The following ZNF292 variants were observed in gnomAD, a reference collection of about 807,000 sequenced individuals.
ZNF292 encodes zinc finger protein 292.
Under a neutral mutation model 217.9 loss-of-function variants are expected in ZNF292, and 26 were observed. The observed-to-expected ratio is 0.12, with a 90% CI of 0.09 to 0.17. ZNF292 has a LOEUF of 0.17. ZNF292 is among the 10% of genes least tolerant of loss of function. The probability of loss-of-function intolerance (pLI) is 1.00; values close to 1 mark genes in which losing one functional copy is unlikely to be tolerated. For missense variants in ZNF292, 2,904 were observed against 3,175.2 expected (o/e 0.91, Z 2.05); for synonymous variants, 1,257 against 1,124.1 (o/e 1.12, Z -2.37).
chr6:87,184,538 A>G (rs1771578892), intron 1 of ZNF292, among the ~76,000 whole-genome samples: 2 of 151,060 alleles, frequency 1.3e-5, no homozygotes, highest in African/African-American at 2.4e-5. Context: ...AAGGAATACA[A>G]TAAGAAGGAA....
At chr6:87,176,454 G>A (rs1386142994) in intron 1 of ZNF292, among the ~76,000 whole-genome samples, 1 of 152,150 alleles carries the variant, frequency 6.6e-6, no homozygotes, top group Non-Finnish European at 1.5e-5. Flanking sequence ...CCTCTGGAAT[G>A]AGGGTCTTAT....
At chr6:87,250,531 G>A (rs895013361) in intron 7 of ZNF292, among the ~76,000 whole-genome samples, 1 of 152,182 alleles carries the variant, frequency 6.6e-6, no homozygotes, top group Non-Finnish European at 1.5e-5. Context: ...TTGAATCTAT[G>A]CAAATGAAGT....
chr6:87,156,129 T>C (rs1278646925), intron 1 of ZNF292, among the ~76,000 whole-genome samples: 2 of 152,212 alleles, frequency 1.3e-5, no homozygotes, highest in African/African-American at 2.4e-5. Context: ...CACTGGGGAT[T>C]ACCGCGCCTC....
chr6:87,235,302 A>G (rs1773849030), intron 5 of ZNF292, among the ~76,000 whole-genome samples: 1 of 152,150 alleles, frequency 6.6e-6, no homozygotes, highest in Non-Finnish European at 1.5e-5. Context: ...TTTCAGTGCC[A>G]CGAAAGCTTT....
chr6:87,179,971 G>T lies in ZNF292; in HGVS notation c.168+24212G>T, dbSNP rs1377816710. ...TTATGAAGATCCCCGAGTATTGAGT[G>T]TGCCAGTTACCAGATTCTCTCCCAG... On this transcript the variant is annotated intron_variant, in intron 1 of 7. Coordinates refer to ENST00000369577, the MANE Select transcript of ZNF292 (RefSeq NM_015021.3). 2.6e-5 allele frequency among the ~76,000 whole-genome samples: 4 copies of T among 152,192 alleles called. No individual in the cohort carries two copies. The South Asian group carries it at 6.2e-4, about 24-fold the overall frequency.
intron 5 of ZNF292, among the ~76,000 whole-genome samples, chr6:87,239,269 C>A (rs1036895123): frequency 2.6e-5 from 4 of 151,738 alleles, no homozygotes; most frequent in East Asian, 2.0e-4. Context: ...GGCAAAGGCA[C>A]CCCTCACCTC....
Position 87,155,777 on chromosome 6 carries a change from T to A in ZNF292, c.168+18T>A. Reference sequence around the variant, plus strand: ...TGTGCCAGGTGAGGGCGCCCGGTGGTCCCCTCCCCCTTTCCCCAGCTAGAG... The same window carrying A: ...TGTGCCAGGTGAGGGCGCCCGGTGGACCCCTCCCCCTTTCCCCAGCTAGAG... On this transcript the variant is annotated intron_variant, in intron 1 of 7. Transcript: ENST00000369577. 6.3e-7 allele frequency: 1 copy of A among 1,575,934 alleles called. No individual in the cohort carries two copies. Among genetic ancestry groups the A allele is most frequent in the Non-Finnish European group, 8.6e-7 (1 of 1,161,184 alleles).
chr6:87,159,732 G>T (rs1346617334), intron 1 of ZNF292, among the ~76,000 whole-genome samples: 1 of 151,824 alleles, frequency 6.6e-6, no homozygotes, highest in Non-Finnish European at 1.5e-5. Flanking sequence ...GCCCCTCTTG[G>T]CCTCCCAAAG....
At chr6:87,215,633 G>C (rs2127801974) in intron 1 of ZNF292, among the ~76,000 whole-genome samples, 1 of 152,230 alleles carries the variant, frequency 6.6e-6, no homozygotes. Flanking sequence ...CTAGGGAATA[G>C]AGGAGATAAC....
intron 1 of ZNF292, among the ~76,000 whole-genome samples, chr6:87,208,290 A>T (rs191897608): frequency 2.6e-5 from 4 of 152,194 alleles, no homozygotes; most frequent in Non-Finnish European, 5.9e-5. Flanking sequence ...CATTCCTAAA[A>T]TTCATGTTCT....
chr6:87,173,027 A>G (rs1771157555), intron 1 of ZNF292, among the ~76,000 whole-genome samples: 1 of 152,188 alleles, frequency 6.6e-6, no homozygotes, highest in Non-Finnish European at 1.5e-5. Flanking sequence ...ATATTGTATT[A>G]TAATTCTTTC....
rs941383661 is a variant in ZNF292, at chr6:87,262,902, A to T, written c.*1101A>T. ...AAATTGATATCATCAAAGTGAGCCCATCTTGTGTTTATAAAATACAAGAGT... is the reference window on the plus strand; with the variant it reads ...AAATTGATATCATCAAAGTGAGCCCTTCTTGTGTTTATAAAATACAAGAGT... On this transcript the variant is annotated 3_prime_UTR_variant, in exon 8 of 8. Transcript: ENST00000369577. 6.6e-6 allele frequency: 1 copy of T among 152,024 alleles called. No individual in the cohort carries two copies. The highest frequency in any genetic ancestry group is 1.5e-5 in the Non-Finnish European group (1 of 67,890). The allele number at this position is 152,024 out of a possible 1,614,324, so 9.4% of individuals were successfully genotyped here.
At chr6:87,191,971 T>C (rs1344110762) in intron 1 of ZNF292, among the ~76,000 whole-genome samples, 2 of 152,194 alleles carry the variant, frequency 1.3e-5, no homozygotes, top group East Asian at 3.8e-4. Flanking sequence ...ACTTTTAATC[T>C]TTATGTGCCT....
intron 1 of ZNF292, among the ~76,000 whole-genome samples, chr6:87,159,486 CT>C (rs1478528139): frequency 7.2e-6 from 1 of 139,680 alleles, no homozygotes; most frequent in Non-Finnish European, 1.5e-5. Context: ...TCTCAGCTTT[CT>C]TTTCTTTCTT....
Position 87,258,009 on chromosome 6 carries a change from T to C in ZNF292, c.4380T>C (p.Asn1460=), listed in dbSNP as rs752144832. The change falls in exon 8 of 8, where the codon AAT becomes AAC. Residue 1460 remains asparagine, a synonymous_variant. Transcript: ENST00000369577. Reference sequence around the variant, plus strand: ...CATTTCTACAGCTTCTTGCTGAAAATCGCTCGCCAGCATTTTTACCAAATA... The same window carrying C: ...CATTTCTACAGCTTCTTGCTGAAAACCGCTCGCCAGCATTTTTACCAAATA... ...DPSFLQLLAE[N]RSPAFLPNTF... is the part of the protein sequence containing the mutation. 2 of 1,613,884 alleles carry C rather than the reference T, an allele frequency of 1.2e-6. No homozygotes were observed. The highest frequency in any genetic ancestry group is 1.7e-6 in the Non-Finnish European group (2 of 1,179,820).
In ZNF292 at chr6:87,241,864, A is replaced by G. The variant is rs1048049209; in HGVS notation, c.742-1611A>G. The stretch of plus-strand genomic sequence containing the variant: ...CTACAACGGTGCGAAAGTGGTACAC[A>G]TTCAGTAAGTTTCTGGACGTATGAG... On this transcript the variant is annotated intron_variant, in intron 5 of 7. Coordinates refer to ENST00000369577, the MANE Select transcript of ZNF292 (RefSeq NM_015021.3). Among the ~76,000 whole-genome samples, 8 of 152,246 alleles carry G rather than the reference A, an allele frequency of 5.3e-5. 1 individual carries two copies. Among genetic ancestry groups the G allele is most frequent in the African/African-American group, 1.9e-4 (8 of 41,470 alleles).
intron 1 of ZNF292, among the ~76,000 whole-genome samples, chr6:87,201,120 A>G (rs1772087994): frequency 6.6e-6 from 1 of 152,226 alleles, no homozygotes; most frequent in African/African-American, 2.4e-5. Context: ...GACCAATCTC[A>G]ACCCTGAGAT....
rs1441654119 is a variant in ZNF292, at chr6:87,256,603, C to A, written c.2974C>A (p.Gln992Lys). 2 of 1,613,574 alleles carry A rather than the reference C, an allele frequency of 1.2e-6. No individual in the cohort carries two copies. Among genetic ancestry groups the A allele is most frequent in the South Asian group, 2.2e-5 (2 of 91,084 alleles). Residue 992 changes from glutamine to lysine, a missense_variant, in exon 8 of 8, where the codon CAA becomes AAA. Gln to Lys is a moderately conservative substitution (Grantham distance 53). This residue lies in a region of ZNF292 where 687 missense variants were observed against 623.0 expected (regional missense o/e 1.10). Transcript: ENST00000369577. ...TCCAGGTTTCCAGGAGAGAAAAGAA[C>A]AAGATTGCTTTAATGATGCCCATGT... ...CHPGFQERKE[Q>K]DCFNDAHVTQ...
Position 87,155,613 on chromosome 6 carries a change from C to G in ZNF292, c.22C>G (p.Gln8Glu), listed in dbSNP as rs781678373. Residue 8 changes from glutamine to glutamate, a missense_variant, in exon 1 of 8, where the codon CAG (glutamine) becomes GAG (glutamate). Physicochemically the swap from Gln to Glu is conservative, Grantham distance 29. Around this residue, in one of 15 missense-constraint regions of ZNF292, gnomAD observed 66 missense variants for 44.1 expected, o/e 1.50. Transcript: ENST00000369577. ...GAAGATGGCGGACGAAGAGGCCGAG[C>G]AGGAGAGGTTGAGTTGCGGCGAAGG... MADEEAE[Q>E]ERLSCGEGGC... The G allele has an allele frequency of 1.3e-6, 2 of 1,582,442 alleles. No homozygotes were observed. Among genetic ancestry groups the G allele is most frequent in the Admixed American group, 1.8e-5 (1 of 54,682 alleles).
Sources: gnomAD v4.1 joint callset for allele counts (sites outside exome capture counted in the v4.1 genomes callset) on GRCh38, gnomAD v4.1.1 for gene constraint, gnomAD v4.1.1 regional missense constraint, MANE v1.5 for transcripts, NCBI Gene and HGNC (gene_info 2026-07-23, HGNC 2026-07-21) for gene names.